The following LPA variants were observed in gnomAD, a reference collection of about 807,000 sequenced individuals.
The protein encoded by LPA is lipoprotein(a), also known as apolipoprotein(a).
In LPA, 199 loss-of-function variants were observed where a neutral mutation model predicts 197.9. The observed-to-expected ratio is 1.01, with a 90% confidence interval of 0.90 to 1.13. LPA has a LOEUF of 1.13. LPA is among the 50% of genes most tolerant of loss of function. LPA has a pLI of 0.00. For missense variants in LPA, 1,853 were observed against 1,785.8 expected, an observed-to-expected ratio of 1.04 and a Z score of -0.68; for synonymous variants, 715 against 639.5, an observed-to-expected ratio of 1.12 and a Z score of -1.78.
chr6:160,606,398 G>T lies in LPA; in HGVS notation c.2785+79C>A, dbSNP rs144587038. On this transcript the variant is annotated intron_variant, in intron 17 of 38. Coordinates refer to ENST00000316300, the MANE Select transcript of LPA (RefSeq NM_005577.4). ...CTCGAGCATCCGTTTACCATTGGAGGCTGCTGCATCAGTGGGAATTTCCAT... is the reference window on the plus strand; with the variant it reads ...CTCGAGCATCCGTTTACCATTGGAGTCTGCTGCATCAGTGGGAATTTCCAT... 5.7e-3 allele frequency: 8,870 copies of T among 1,552,964 alleles called. 34 individuals carry two copies. The highest frequency in any genetic ancestry group is 6.8e-3 in the Non-Finnish European group (7,615 of 1,126,748).
chr6:160,599,241 G>T (rs1192256508), intron 20 of LPA, among the ~76,000 whole-genome samples: 1 of 152,144 alleles, frequency 6.6e-6, no homozygotes, highest in Non-Finnish European at 1.5e-5. Flanking sequence ...TGCTAGAGAG[G>T]CTGAAGCAGG....
At chr6:160,549,489 G>A (rs1255110848) in intron 30 of LPA, among the ~76,000 whole-genome samples, 1 of 152,154 alleles carries the variant, frequency 6.6e-6, no homozygotes, top group Non-Finnish European at 1.5e-5. Context: ...TAACATGTGA[G>A]TTGGAACTAA....
chr6:160,591,160 A>G, intron 22 of LPA, 59 bp from the exon 23 acceptor site: 1 of 1,597,638 alleles, frequency 6.3e-7, no homozygotes. Flanking sequence ...AGGGCACCAG[A>G]CATCCTCTAC....
Position 160,577,138 on chromosome 6 carries a change from AT to A in LPA, c.4628del (p.Asn1543MetfsTer4). On this transcript the variant is annotated frameshift_variant, in exon 28 of 39. Coordinates refer to ENST00000316300, the MANE Select transcript of LPA (RefSeq NM_005577.4). LOFTEE classifies it high-confidence loss of function. ...WHQRTPENYP[N>X]AGLTENYCRN... ...TATGGTTTTAATCAAATACATACGC[AT>A]TTGGGTAGTTTTCTGGGGTCCTCTG... 6.2e-7 allele frequency: 1 copy of A among 1,613,502 alleles called. No homozygotes were observed. The highest frequency in any genetic ancestry group is 8.5e-7 in the Non-Finnish European group (1 of 1,179,702).
At chr6:160,567,973 T>C (rs1477710854) in intron 28 of LPA, among the ~76,000 whole-genome samples, 3 of 152,052 alleles carry the variant, frequency 2.0e-5, no homozygotes, top group Non-Finnish European at 1.5e-5. Flanking sequence ...AATAGACCAA[T>C]AACAGGCTCT....
At chr6:160,559,124 C>T (rs1203776068) in intron 28 of LPA, among the ~76,000 whole-genome samples, 1 of 152,198 alleles carries the variant, frequency 6.6e-6, no homozygotes, top group African/African-American at 2.4e-5. Flanking sequence ...CTCCCATCAC[C>T]ACACGGAACA....
rs1461210611 is a variant in LPA at position 160,585,389 on chromosome 6, A to T, written c.4130-184T>A. On this transcript the variant is annotated intron_variant, in intron 25 of 38. Coordinates refer to ENST00000316300, the MANE Select transcript of LPA (RefSeq NM_005577.4). ...ATAGGATTCTAGAAATTTAATAAGT[A>T]GTCATAAATATTTTAATTCAACCCT... 2.0e-5 allele frequency among the ~76,000 whole-genome samples: 3 copies of T among 152,202 alleles called. No homozygotes were observed. In the East Asian group the frequency reaches 5.8e-4, roughly 29 times the overall value.
rs1583598547 is a variant in LPA, at chr6:160,586,376, G to T, written c.4129+73C>A. The stretch of plus-strand genomic sequence containing the variant: ...TTCCTGTGCAGCATGGAAGTTTTCT[G>T]CATCACAAAGATTTTGCAAATCTTT... On this transcript the variant is annotated intron_variant, in intron 25 of 38. Coordinates refer to ENST00000316300, the MANE Select transcript of LPA (RefSeq NM_005577.4). The T allele has an allele frequency of 9.0e-6, 14 of 1,557,086 alleles. No individual in the cohort carries two copies. In the South Asian group the frequency reaches 1.2e-4, roughly 14 times the overall value.
At position 160,581,560 on chromosome 6, in the gene LPA, C is replaced by T. The variant is rs536268416; in HGVS notation, c.4290-2856G>A. 1.1e-3 allele frequency among the ~76,000 whole-genome samples: 172 copies of T among 152,230 alleles called. 1 individual carries two copies. Among genetic ancestry groups the T allele is most frequent in the African/African-American group, 3.9e-3 (163 of 41,550 alleles). ...CAGGCAATCCTCTCATCTTGGCCTC[C>T]CAAAGTGTTAGGATTACAGCCAAGC... On this transcript the variant is annotated intron_variant, in intron 26 of 38. Transcript: ENST00000316300.
chr6:160,584,270 CTCT>C (rs60345887), intron 26 of LPA, among the ~76,000 whole-genome samples: 20,144 of 112,436 alleles, frequency 0.18, 2,023 homozygotes, highest in African/African-American at 0.25. Context: ...CTTCCTCTTC[CTCT>C]TCTTCTTCTT....
At chr6:160,546,049 T>C (rs2115002228) in intron 32 of LPA, among the ~76,000 whole-genome samples, 1 of 152,302 alleles carries the variant, frequency 6.6e-6, no homozygotes, top group South Asian at 2.1e-4. Context: ...CCCCCAGTTC[T>C]TAACACAGAG....
chr6:160,603,821 G>A (rs1292609319), intron 18 of LPA, among the ~76,000 whole-genome samples: 2 of 152,098 alleles, frequency 1.3e-5, no homozygotes, highest in African/African-American at 4.8e-5. Flanking sequence ...TTTTGCCAGG[G>A]TTTGTCTAGA....
chr6:160,586,782 T>C (rs900470357), intron 24 of LPA, 152 bp from the exon 25 acceptor site: 1 of 1,000,078 alleles, frequency 1.0e-6, no homozygotes, highest in Non-Finnish European at 1.5e-6. Context: ...GTCCTCAACT[T>C]CTAAACAACT....
intron 32 of LPA, among the ~76,000 whole-genome samples, chr6:160,546,695 T>C (rs1562316676): frequency 6.6e-6 from 1 of 152,106 alleles, no homozygotes; most frequent in Non-Finnish European, 1.5e-5. Flanking sequence ...AGGACCGAGT[T>C]ACATTGTAGG....
At position 160,601,116 on chromosome 6, in the gene LPA, A is replaced by ATACACATC. The variant is rs1779233452; in HGVS notation, c.2946-26_2946-19dup. 4 of 1,613,576 alleles carry ATACACATC rather than the reference A, an allele frequency of 2.5e-6. No individual in the cohort carries two copies. Among genetic ancestry groups the ATACACATC allele is most frequent in the Middle Eastern group, 3.3e-4 (2 of 6,060 alleles). On this transcript the variant is annotated intron_variant, in intron 18 of 38. Transcript: ENST00000316300. ...TCAAGCCACTGGAAATTCCAAAAGA[A>ATACACATC]TACACATCACAAAAAATGGGTACAT...
At chr6:160,582,391 G>T (rs1276099352) in intron 26 of LPA, among the ~76,000 whole-genome samples, 1 of 151,676 alleles carries the variant, frequency 6.6e-6, no homozygotes, top group East Asian at 1.9e-4. Context: ...CACTCTAAAG[G>T]TGTTATTCCA....
intron 28 of LPA, among the ~76,000 whole-genome samples, chr6:160,572,721 C>G (rs1778584953): frequency 6.6e-6 from 1 of 152,280 alleles, no homozygotes; most frequent in African/African-American, 2.4e-5. Flanking sequence ...TTTGAGGAGG[C>G]TATGATAGGG....
chr6:160,552,181 G>T (rs1200120909), intron 30 of LPA, among the ~76,000 whole-genome samples: 1 of 152,106 alleles, frequency 6.6e-6, no homozygotes, highest in Non-Finnish European at 1.5e-5. Flanking sequence ...CAAAATGTTG[G>T]GGTAACAGGC....
chr6:160,534,191 G>A (rs1183668753), intron 37 of LPA, among the ~76,000 whole-genome samples: 1 of 152,184 alleles, frequency 6.6e-6, no homozygotes, highest in Non-Finnish European at 1.5e-5. Flanking sequence ...CGAGCATTGG[G>A]CATGGGATGC....
Sources: allele counts gnomAD v4.1 joint callset (sites outside exome capture counted in the v4.1 genomes callset), GRCh38; gene constraint gnomAD v4.1.1; transcripts MANE v1.5; gene names NCBI Gene and HGNC (gene_info 2026-07-23, HGNC 2026-07-21).